The following UBAP2 variants were observed in gnomAD, a reference collection of about 807,000 sequenced individuals.
UBAP2 encodes ubiquitin-associated protein 2.
A neutral mutation model predicts 139.6 loss-of-function variants in UBAP2; 75 were observed. That is an observed-to-expected ratio of 0.54 (90% CI 0.45 to 0.65). The LOEUF is 0.65. UBAP2 is among the 30% of genes least tolerant of loss of function. The pLI is 0.00. For synonymous variants in UBAP2, 526 were observed against 526.2 expected (o/e 1.00, Z 0.01); for missense variants, 1,368 against 1,369.6 (o/e 1.00, Z 0.02).
intron 2 of UBAP2, among the ~76,000 whole-genome samples, chr9:34,012,227 A>G (rs568793828): frequency 1.4e-4 from 21 of 152,220 alleles, no homozygotes; most frequent in Admixed American, 1.2e-3. Flanking sequence ...TCCACAATCT[A>G]ATTAGCTAAA....
intron 8 of UBAP2, chr9:33,968,075 CT>C: frequency 2.2e-6 from 1 of 460,588 alleles, no homozygotes; most frequent in Non-Finnish European, 4.2e-6. Context: ...GGCACTCTAA[CT>C]TATCAGATTG....
At chr9:33,929,512 A>G (rs307688) in intron 19 of UBAP2, among the ~76,000 whole-genome samples, 61,026 of 152,056 alleles carry the variant, frequency 0.4, 12,638 homozygotes, top group South Asian at 0.48. Flanking sequence ...AGAAGATGCT[A>G]AGATTTCCTT....
chr9:34,002,234 A>C (rs1822771254), intron 2 of UBAP2, among the ~76,000 whole-genome samples: 2 of 152,114 alleles, frequency 1.3e-5, no homozygotes, highest in Non-Finnish European at 2.9e-5. Flanking sequence ...AATTATAGGC[A>C]TGAGCCACCA....
chr9:33,956,217 A>G, intron 10 of UBAP2, 71 bp from the exon 11 acceptor site: 1 of 1,105,040 alleles, frequency 9.0e-7, no homozygotes, highest in Non-Finnish European at 1.4e-6. Flanking sequence ...CTTCCTGATC[A>G]TTTGTAGTCA....
intron 6 of UBAP2, among the ~76,000 whole-genome samples, chr9:33,978,675 G>C (rs1820372841): frequency 6.6e-6 from 1 of 152,128 alleles, no homozygotes. Flanking sequence ...AACTATTCGG[G>C]AGGCTGAGGC....
chr9:33,968,434 C>A (rs373757819), intron 8 of UBAP2: 1 of 560,382 alleles, frequency 1.8e-6, no homozygotes, highest in Admixed American at 1.9e-5. Context: ...TAGTCATGGC[C>A]GAGGGCATGT....
intron 5 of UBAP2, among the ~76,000 whole-genome samples, chr9:33,987,241 T>C (rs1183130283): frequency 2.0e-5 from 3 of 151,912 alleles, no homozygotes; most frequent in South Asian, 2.1e-4. Context: ...GGAAACCCTG[T>C]CTCTACCAAA....
intron 8 of UBAP2, among the ~76,000 whole-genome samples, chr9:33,969,345 A>C (rs1337469031): frequency 6.6e-6 from 1 of 152,152 alleles, no homozygotes; most frequent in East Asian, 1.9e-4. Context: ...CCAGGAGTTT[A>C]AGACCAGCTT....
chr9:33,952,220 C>T (rs1453736437), intron 12 of UBAP2, among the ~76,000 whole-genome samples: 1 of 152,168 alleles, frequency 6.6e-6, no homozygotes, highest in Non-Finnish European at 1.5e-5. Context: ...CATCCATAGA[C>T]CTTTCTAACT....
intron 22 of UBAP2, 70 bp from the exon 23 acceptor site, chr9:33,924,354 A>G (rs1397187603): frequency 9.5e-6 from 14 of 1,469,936 alleles, no homozygotes; most frequent in Admixed American, 1.7e-5. Context: ...GAACCAGCAC[A>G]TGGAAGTGGT....
intron 12 of UBAP2, among the ~76,000 whole-genome samples, chr9:33,950,097 G>A (rs572508482): frequency 6.6e-6 from 1 of 151,732 alleles, no homozygotes. Context: ...AGACAGTCTC[G>A]CTCTGTCACC....
At chr9:34,005,833 A>G (rs1209294830) in intron 2 of UBAP2, among the ~76,000 whole-genome samples, 1 of 152,232 alleles carries the variant, frequency 6.6e-6, no homozygotes, top group Non-Finnish European at 1.5e-5. Flanking sequence ...TCTGGAAAAC[A>G]AACCAAAAAA....
At position 33,975,744 on chromosome 9, in the gene UBAP2, G is replaced by A. The variant is rs575929430; in HGVS notation, c.521-2507C>T. 2.0e-5 allele frequency among the ~76,000 whole-genome samples: 3 copies of A among 150,850 alleles called. No homozygotes were observed. The South Asian group carries it at 6.3e-4, about 32-fold the overall frequency. On this transcript the variant is annotated intron_variant, in intron 6 of 28. Transcript: ENST00000379238. ...CGTGAACCCGGAGGCGGAGCTTGCA[G>A]TGAGCCGAGATCACAACACTGCACT...
chr9:33,951,440 G>C (rs911446758), intron 12 of UBAP2, among the ~76,000 whole-genome samples: 1 of 144,852 alleles, frequency 6.9e-6, no homozygotes, highest in Non-Finnish European at 1.5e-5. Context: ...TCCACCTCCC[G>C]GGTTCAAGTG....
intron 3 of UBAP2, chr9:33,996,903 C>A (rs766437873): frequency 2.0e-5 from 3 of 152,178 alleles, no homozygotes; most frequent in Non-Finnish European, 4.4e-5. Flanking sequence ...TATAGTGAGA[C>A]CTCATCTTTA....
At chr9:34,021,648 TTTTGA>T (rs910312787) in intron 1 of UBAP2, among the ~76,000 whole-genome samples, 1 of 151,184 alleles carries the variant, frequency 6.6e-6, no homozygotes, top group African/African-American at 2.4e-5. Flanking sequence ...TTTTTTTTTT[TTTTGA>T]GACGGAGGCT....
intron 12 of UBAP2, chr9:33,948,798 A>G (rs1825855291): frequency 6.3e-6 from 3 of 478,486 alleles, no homozygotes; most frequent in Non-Finnish European, 1.1e-5. Flanking sequence ...TCATTCTGAC[A>G]TAAGAAGTTA....
At chr9:33,945,234 C>A (rs944240619) in intron 13 of UBAP2, among the ~76,000 whole-genome samples, 3 of 152,104 alleles carry the variant, frequency 2.0e-5, no homozygotes, top group Admixed American at 6.6e-5. Context: ...CGCAGTGGCT[C>A]ACGCCTGTAA....
chr9:34,031,634 G>A (rs935271324), intron 1 of UBAP2, among the ~76,000 whole-genome samples: 2 of 151,828 alleles, frequency 1.3e-5, no homozygotes, highest in Admixed American at 1.3e-4. Flanking sequence ...GTAAATTCAA[G>A]CGATTATCCT....
Sources: allele counts gnomAD v4.1 joint callset (sites outside exome capture counted in the v4.1 genomes callset), GRCh38; gene constraint gnomAD v4.1.1; transcripts MANE v1.5; gene names NCBI Gene and HGNC (gene_info 2026-07-23, HGNC 2026-07-21).